The following VMP1 variants were observed in gnomAD, a reference collection of about 807,000 sequenced individuals.
VMP1 encodes the protein vacuole membrane protein 1.
In VMP1, 11 loss-of-function variants were observed where a neutral mutation model predicts 56.0. That is an observed-to-expected ratio of 0.20 (90% CI 0.12 to 0.32). The LOEUF (loss-of-function observed/expected upper bound fraction) is 0.32. Among genes scored for constraint, VMP1 ranks in the 10% least tolerant of loss-of-function variants. The pLI is 1.00. For missense variants in VMP1, 296 were observed against 490.3 expected (o/e 0.60, Z 3.74); for synonymous variants, 149 against 165.0 (o/e 0.90, Z 0.74).
intron 10 of VMP1, among the ~76,000 whole-genome samples, chr17:59,825,645 T>C (rs2038623364): frequency 1.3e-5 from 2 of 152,238 alleles, no homozygotes; most frequent in Admixed American, 1.3e-4. Context: ...TCCCCAGTTT[T>C]ACCACACAAG....
chr17:59,730,030 A>G (rs1445280852), intron 1 of VMP1: 2 of 151,986 alleles, frequency 1.3e-5, no homozygotes, highest in Admixed American at 6.6e-5. Flanking sequence ...ATGAGATTGT[A>G]TCTCATTGTG....
intron 5 of VMP1, among the ~76,000 whole-genome samples, chr17:59,761,601 TG>T (rs2036057837): frequency 6.6e-6 from 1 of 152,204 alleles, no homozygotes; most frequent in Non-Finnish European, 1.5e-5. Context: ...ATGACCTTTC[TG>T]GGTTGAATGC....
chr17:59,708,431 G>A (rs1421873335), intron 1 of VMP1, among the ~76,000 whole-genome samples: 1 of 152,136 alleles, frequency 6.6e-6, no homozygotes, highest in East Asian at 1.9e-4. Flanking sequence ...GAAACCATAT[G>A]TGGCCCTGTG....
intron 7 of VMP1, among the ~76,000 whole-genome samples, chr17:59,805,278 G>A (rs1042256743): frequency 2.0e-5 from 3 of 152,158 alleles, no homozygotes; most frequent in Admixed American, 6.5e-5. Flanking sequence ...CCTAATTGCC[G>A]TTAAGCAAAG....
At chr17:59,801,581 T>C (rs895046304) in intron 7 of VMP1, among the ~76,000 whole-genome samples, 1 of 152,068 alleles carries the variant, frequency 6.6e-6, no homozygotes, top group Admixed American at 6.6e-5. Context: ...CATATTGTAT[T>C]TGTACCTTTT....
intron 7 of VMP1, among the ~76,000 whole-genome samples, chr17:59,804,637 A>T (rs959612754): frequency 1.3e-5 from 2 of 149,846 alleles, no homozygotes; most frequent in Non-Finnish European, 3.0e-5. Context: ...AAAAAAAAAA[A>T]GTGAAATAAA....
In VMP1 at chr17:59,801,091, A is replaced by AAATAT. The variant is rs1307645697; in HGVS notation, c.715-7704_715-7703insATATA. Among the ~76,000 whole-genome samples the AAATAT allele has an allele frequency of 1.6e-4, 18 of 109,322 alleles. 1 individual carries two copies. The highest frequency in any genetic ancestry group is 8.8e-4 in the South Asian group (3 of 3,406). 71.7% of individuals were successfully genotyped at this position (109,322 alleles called of 152,430 possible). A position where few individuals can be genotyped will look rare whatever the true frequency, so the allele number is the denominator to read the frequency against. ...CAAGACTCCATCTCGAAAAAAAAAAAATATATATATATATATATATATGTG... is the reference window on the plus strand; with the variant it reads ...CAAGACTCCATCTCGAAAAAAAAAAAAATATATATATATATATATATATATATGTG... On this transcript the variant is annotated intron_variant, in intron 7 of 11. Coordinates refer to ENST00000262291, the MANE Select transcript of VMP1 (RefSeq NM_030938.5).
chr17:59,780,684 T>G (rs544931751), intron 7 of VMP1, among the ~76,000 whole-genome samples: 1 of 152,286 alleles, frequency 6.6e-6, no homozygotes, highest in South Asian at 2.1e-4. Context: ...CCTCCTGGGT[T>G]AAAGCAACTC....
rs565825794 is a variant in VMP1, at chr17:59,744,330, C to A, written c.414+5383C>A. Among the ~76,000 whole-genome samples, 4 of 151,472 alleles carry A rather than the reference C, an allele frequency of 2.6e-5. No individual in the cohort carries two copies. The South Asian group carries it at 8.4e-4, about 32-fold the overall frequency. ...ACAAGAAATTAGCCAGGCGTGTTGA[C>A]AGGCACCTGTAATCCCAGCTACTCA... On this transcript the variant is annotated intron_variant, in intron 5 of 11. Coordinates refer to ENST00000262291, the MANE Select transcript of VMP1 (RefSeq NM_030938.5).
At chr17:59,753,267 GT>G (rs1214165724) in intron 5 of VMP1, among the ~76,000 whole-genome samples, 3 of 151,320 alleles carry the variant, frequency 2.0e-5, no homozygotes, top group African/African-American at 7.3e-5. Flanking sequence ...ATGAGACCCT[GT>G]CTCAAGAAAA....
intron 7 of VMP1, among the ~76,000 whole-genome samples, chr17:59,801,344 C>G (rs2037655581): frequency 6.6e-6 from 1 of 151,414 alleles, no homozygotes. Flanking sequence ...TTCCTGGGCT[C>G]TGGCAATCCT....
chr17:59,719,703 A>G (rs372737739), intron 1 of VMP1, among the ~76,000 whole-genome samples: 7 of 152,024 alleles, frequency 4.6e-5, no homozygotes, highest in Non-Finnish European at 1.0e-4. Context: ...TTACTTGCAC[A>G]TTGTTTCTGT....
chr17:59,757,110 A>G (rs1016366375), intron 5 of VMP1, among the ~76,000 whole-genome samples: 4 of 152,132 alleles, frequency 2.6e-5, no homozygotes, highest in Non-Finnish European at 5.9e-5. Flanking sequence ...GTATGAATAT[A>G]TTCACCCCTT....
rs749386849 is a variant in VMP1 at position 59,737,553 on chromosome 17, C to G, written c.303+10C>G. ...AGGAGTGCATCAACAGGTGAGAGGT[C>G]GAGCAATTCTGTTTCTAGTCTTGCA... is the stretch of plus-strand genomic sequence containing the variant. On this transcript the variant is annotated intron_variant, in intron 4 of 11. Transcript: ENST00000262291. 11 of 1,595,358 alleles carry G rather than the reference C, an allele frequency of 6.9e-6. No individual in the cohort carries two copies. Among genetic ancestry groups the G allele is most frequent in the Non-Finnish European group, 9.4e-6 (11 of 1,172,056 alleles).
At chr17:59,708,084 GGA>G (rs1319361880) in intron 1 of VMP1, 1 of 152,214 alleles carries the variant, frequency 6.6e-6, no homozygotes, top group Non-Finnish European at 1.5e-5. Context: ...TGGAGTAAGT[GGA>G]GAAGGTCTTC....
intron 11 of VMP1, 49 bp from the exon 12 acceptor site, chr17:59,839,719 G>A (rs2039098785): frequency 6.4e-7 from 1 of 1,568,150 alleles, no homozygotes; most frequent in Non-Finnish European, 8.6e-7. Context: ...TTTTACTACT[G>A]AACTAATGAA....
chr17:59,836,888 G>A (rs569552477), intron 10 of VMP1, among the ~76,000 whole-genome samples: 1 of 152,054 alleles, frequency 6.6e-6, no homozygotes, highest in Admixed American at 6.6e-5. Context: ...GTTATAAAAA[G>A]CAGCAAGGAA....
intron 7 of VMP1, among the ~76,000 whole-genome samples, chr17:59,775,251 A>T (rs1368795131): frequency 6.9e-6 from 1 of 145,268 alleles, no homozygotes; most frequent in African/African-American, 2.5e-5. Context: ...GCCTACAAAA[A>T]ATTTTTTAAA....
chr17:59,709,960 G>A (rs1265234086), intron 1 of VMP1, among the ~76,000 whole-genome samples: 1 of 152,170 alleles, frequency 6.6e-6, no homozygotes, highest in African/African-American at 2.4e-5. Context: ...CACTTTGGGA[G>A]GCCGAGTTGG....
Sources: allele counts gnomAD v4.1 joint callset (sites outside exome capture counted in the v4.1 genomes callset), GRCh38; gene constraint gnomAD v4.1.1; transcripts MANE v1.5; gene names NCBI Gene and HGNC (gene_info 2026-07-23, HGNC 2026-07-21).